The following TG variants were observed in gnomAD, a reference collection of about 807,000 sequenced individuals.
TG encodes the protein thyroid hormones.
A neutral mutation model predicts 324.7 loss-of-function variants in TG; 270 were observed. That is an observed-to-expected ratio of 0.83 (90% CI 0.75 to 0.92). TG has a LOEUF of 0.92. TG is among the 40% of genes least tolerant of loss of function. TG has a pLI of 0.00. For missense variants in TG, 3,591 were observed against 3,456.4 expected (o/e 1.04, Z -0.98); for synonymous variants, 1,401 against 1,327.0 (o/e 1.06, Z -1.21).
intron 23 of TG, among the ~76,000 whole-genome samples, chr8:132,931,909 C>T (rs1460871893): frequency 6.6e-6 from 1 of 151,890 alleles, no homozygotes; most frequent in East Asian, 1.9e-4. Flanking sequence ...GAAACTGCAT[C>T]TCTACAAAAA....
chr8:133,111,217 G>T (rs1850223381), intron 43 of TG, among the ~76,000 whole-genome samples: 1 of 152,050 alleles, frequency 6.6e-6, no homozygotes, highest in African/African-American at 2.4e-5. Context: ...ATAACTGGGG[G>T]AACGAGCCTG....
At chr8:132,904,870 A>G (rs1818444882) in intron 16 of TG, among the ~76,000 whole-genome samples, 1 of 152,174 alleles carries the variant, frequency 6.6e-6, no homozygotes, top group South Asian at 2.1e-4. Context: ...CTTCTTACCT[A>G]TGTACACACA....
At chr8:132,995,044 T>C in intron 35 of TG, 1 of 959,474 alleles carries the variant, frequency 1.0e-6, no homozygotes, top group Non-Finnish European at 1.2e-6. Context: ...CCCTTCTGCT[T>C]TTGTGAGCGC....
rs376711807 is a variant in TG at position 133,070,029 on chromosome 8, A to AAAAAAAAAAAC, written c.7240-25014_7240-25013insAAAAAAAAACA. Among the ~76,000 whole-genome samples the AAAAAAAAAAAC allele has an allele frequency of 1.8e-3, 193 of 109,780 alleles. 56 individuals are homozygous for AAAAAAAAAAAC. Among genetic ancestry groups the AAAAAAAAAAAC allele is most frequent in the African/African-American group, 6.9e-3 (178 of 25,796 alleles). 72.0% of individuals were successfully genotyped at this position (109,780 alleles called of 152,430 possible). Reference sequence around the variant, plus strand: ...AAAAAAAAAAAAAAAAAAAAAAAGAAAGAAAGAAAGAAAAGAAAAGAAGAA... The same window carrying AAAAAAAAAAAC: ...AAAAAAAAAAAAAAAAAAAAAAAGAAAAAAAAAAAACAGAAAGAAAGAAAAGAAAAGAAGAA... On this transcript the variant is annotated intron_variant, in intron 41 of 47. Transcript: ENST00000220616.
intron 41 of TG, among the ~76,000 whole-genome samples, chr8:133,052,456 G>A (rs996080760): frequency 6.6e-6 from 1 of 152,188 alleles, no homozygotes. Flanking sequence ...AGAAACAGTC[G>A]TGTCGGGACG....
chr8:133,063,351 C>T (rs759789771), intron 41 of TG, among the ~76,000 whole-genome samples: 7 of 151,894 alleles, frequency 4.6e-5, no homozygotes, highest in Non-Finnish European at 8.8e-5. Context: ...TCTGATCTCT[C>T]CCCTCCTTTA....
intron 8 of TG, among the ~76,000 whole-genome samples, chr8:132,884,866 T>C (rs1343133794): frequency 6.6e-6 from 1 of 152,198 alleles, no homozygotes; most frequent in Non-Finnish European, 1.5e-5. Context: ...ACATAACAAA[T>C]GGATGGAAAG....
At position 132,913,190 on chromosome 8, in the gene TG, A is replaced by G. The variant is rs1367106334; in HGVS notation, c.4303A>G (p.Arg1435Gly). Residue 1435 changes from arginine (R) to glycine (G), a missense_variant, in exon 20 of 48, where the codon AGG (arginine) becomes GGG (glycine). Transcript: ENST00000220616. ...LQGDHFGTSP[R>G]TWFGCSEGFY... Reference sequence around the variant, plus strand: ...AGGGGACCACTTTGGCACCTCTCCCAGGACATGGTTTGGGTGCTCGGAAGG... The same window carrying G: ...AGGGGACCACTTTGGCACCTCTCCCGGGACATGGTTTGGGTGCTCGGAAGG... 21 of 1,614,150 alleles carry G rather than the reference A, an allele frequency of 1.3e-5. No individual in the cohort carries two copies. Among genetic ancestry groups the G allele is most frequent in the Non-Finnish European group, 1.7e-5 (20 of 1,180,016 alleles).
At chr8:132,875,142 G>A (rs1402048066) in intron 5 of TG, among the ~76,000 whole-genome samples, 1 of 152,164 alleles carries the variant, frequency 6.6e-6, no homozygotes, top group Non-Finnish European at 1.5e-5. Flanking sequence ...AACCATGGGT[G>A]CAAATTTACA....
chr8:133,027,565 G>A (rs1428674527), intron 40 of TG, among the ~76,000 whole-genome samples: 1 of 152,190 alleles, frequency 6.6e-6, no homozygotes, highest in Admixed American at 6.5e-5. Context: ...TGATGAGATA[G>A]CCTCATGGCC....
chr8:132,931,719 A>G (rs1360329388), intron 23 of TG, among the ~76,000 whole-genome samples: 1 of 152,116 alleles, frequency 6.6e-6, no homozygotes, highest in African/African-American at 2.4e-5. Context: ...CGAAGCAGGG[A>G]TCTGCTTGCC....
At chr8:133,064,795 C>G (rs1007206209) in intron 41 of TG, among the ~76,000 whole-genome samples, 2 of 152,136 alleles carry the variant, frequency 1.3e-5, no homozygotes, top group African/African-American at 4.8e-5. Context: ...CAGAACCTTC[C>G]ATTCCTGGGA....
intron 34 of TG, among the ~76,000 whole-genome samples, chr8:132,978,536 C>T (rs1041290951): frequency 1.2e-4 from 19 of 152,150 alleles, no homozygotes; most frequent in Admixed American, 2.0e-4. Flanking sequence ...GAGAATTACA[C>T]CGTGATGTGG....
intron 4 of TG, among the ~76,000 whole-genome samples, 170 bp downstream of exon 4, chr8:132,871,721 T>C (rs1260197342): frequency 1.4e-4 from 21 of 152,228 alleles, no homozygotes; most frequent in Admixed American, 1.2e-3. Context: ...TATTTCCATA[T>C]GGTAGACAAG....
chr8:132,867,389 A>G (rs765363329), intron 1 of TG, among the ~76,000 whole-genome samples: 19 of 152,118 alleles, frequency 1.2e-4, no homozygotes, highest in Admixed American at 2.0e-4. Flanking sequence ...AGCTATTCCA[A>G]AGTCTGTGTC....
At chr8:132,982,342 C>T (rs780702613) in intron 34 of TG, among the ~76,000 whole-genome samples, 7 of 152,262 alleles carry the variant, frequency 4.6e-5, no homozygotes, top group South Asian at 2.1e-4. Context: ...AAGGAGATCC[C>T]ATGTACCGTC....
intron 8 of TG, among the ~76,000 whole-genome samples, chr8:132,885,136 G>C (rs1017484049): frequency 6.6e-6 from 1 of 150,800 alleles, no homozygotes; most frequent in East Asian, 1.9e-4. Flanking sequence ...AGTTGGGGGG[G>C]GGGCGTGGTG....
intron 35 of TG, among the ~76,000 whole-genome samples, chr8:133,005,001 T>C (rs1380652563): frequency 6.6e-6 from 1 of 152,212 alleles, no homozygotes; most frequent in Admixed American, 6.5e-5. Flanking sequence ...ATAGGATTTC[T>C]GGTTTGGACA....
intron 16 of TG, among the ~76,000 whole-genome samples, chr8:132,905,167 A>G (rs1027731257): frequency 6.6e-6 from 1 of 152,218 alleles, no homozygotes; most frequent in Admixed American, 6.5e-5. Context: ...CATTATTGCC[A>G]TCTTCACCAT....
Sources: allele counts gnomAD v4.1 joint callset (sites outside exome capture counted in the v4.1 genomes callset), GRCh38; gene constraint gnomAD v4.1.1; transcripts MANE v1.5; gene names NCBI Gene and HGNC (gene_info 2026-07-23, HGNC 2026-07-21).